Variants in ZFAT observed in about 807,000 individuals in gnomAD.
ZFAT encodes zinc finger and AT-hook domain containing, also known as zinc finger protein ZFAT.
ZFAT carries 64 observed loss-of-function variants against 117.7 expected under a neutral mutation model. That is an observed-to-expected ratio of 0.54 (90% CI 0.44 to 0.67). The LOEUF (loss-of-function observed/expected upper bound fraction) is 0.67, where lower values mean the gene tolerates loss of function less well. Ranked by LOEUF, ZFAT falls within the 30% of genes least tolerant of loss-of-function variation. The pLI, the probability that ZFAT is intolerant of heterozygous loss-of-function variation, is 0.00. For synonymous variants in ZFAT, 679 were observed against 615.0 expected (o/e 1.10, Z -1.54); for missense variants, 1,433 against 1,584.5 (o/e 0.90, Z 1.62).
chr8:134,799,095 G>A, the ZFAT span, among the ~76,000 whole-genome samples: 4 of 151,954 alleles, frequency 2.6e-5, no homozygotes, highest in African/African-American at 4.8e-5. Context: ...CAGCTCTCTC[G>A]TAATGACAAA....
At chr8:134,659,902 C>T (rs973097497) in intron 1 of ZFAT, among the ~76,000 whole-genome samples, 4 of 152,190 alleles carry the variant, frequency 2.6e-5, no homozygotes, top group Admixed American at 6.5e-5. Context: ...AGGGAGGTAA[C>T]GACCTGAGAG....
At chr8:134,774,569 T>C in the ZFAT span, among the ~76,000 whole-genome samples, 3 of 152,208 alleles carry the variant, frequency 2.0e-5, no homozygotes, top group African/African-American at 7.2e-5. Context: ...CTTTTTAAAT[T>C]AAGATATGTA....
At chr8:134,772,322 G>T in the ZFAT span, among the ~76,000 whole-genome samples, 5 of 152,280 alleles carry the variant, frequency 3.3e-5, no homozygotes, top group Admixed American at 6.5e-5. Context: ...CAAAGGAAAA[G>T]TTCACGAAGG....
intron 15 of ZFAT, among the ~76,000 whole-genome samples, chr8:134,504,736 C>T (rs1053558561): frequency 2.0e-5 from 3 of 152,162 alleles, no homozygotes; most frequent in Non-Finnish European, 4.4e-5. Context: ...GGCAGAAGGG[C>T]GGAAGGGAGA....
chr8:134,595,901 G>C (rs1586777639), intron 7 of ZFAT, among the ~76,000 whole-genome samples: 2 of 152,352 alleles, frequency 1.3e-5, no homozygotes, highest in African/African-American at 4.8e-5. Flanking sequence ...GGGCCCATTT[G>C]AAGGGCAGGT....
At chr8:134,605,790 G>T (rs1246685121) in intron 5 of ZFAT, among the ~76,000 whole-genome samples, 1 of 152,200 alleles carries the variant, frequency 6.6e-6, no homozygotes, top group Admixed American at 6.5e-5. Flanking sequence ...TTAAAAAAGT[G>T]TTCCAGGTAC....
At chr8:134,635,179 T>C (rs1334568121) in intron 3 of ZFAT, among the ~76,000 whole-genome samples, 1 of 151,948 alleles carries the variant, frequency 6.6e-6, no homozygotes, top group Non-Finnish European at 1.5e-5. Context: ...TTTTAGAGAG[T>C]TGACCCTAAG....
chr8:134,812,790 AT>A, the ZFAT span, among the ~76,000 whole-genome samples: 1 of 152,208 alleles, frequency 6.6e-6, no homozygotes, highest in African/African-American at 2.4e-5. Flanking sequence ...CAGTAAATAC[AT>A]GGTGCTTACT....
chr8:134,505,626 G>C (rs565076272), intron 15 of ZFAT, among the ~76,000 whole-genome samples: 1 of 152,178 alleles, frequency 6.6e-6, no homozygotes, highest in Non-Finnish European at 1.5e-5. Context: ...ACAGAGGTCA[G>C]AGTGAGTGGA....
At chr8:134,521,447 T>A (rs1310760300) in intron 12 of ZFAT, among the ~76,000 whole-genome samples, 1 of 152,206 alleles carries the variant, frequency 6.6e-6, no homozygotes, top group Non-Finnish European at 1.5e-5. Context: ...AGCCTGATTC[T>A]CAGTCTCCTT....
intron 15 of ZFAT, among the ~76,000 whole-genome samples, chr8:134,491,877 G>A (rs747226759): frequency 1.3e-5 from 2 of 152,022 alleles, no homozygotes; most frequent in Non-Finnish European, 2.9e-5. Flanking sequence ...GACATCTCTG[G>A]GGCACCACTG....
intron 5 of ZFAT, among the ~76,000 whole-genome samples, chr8:134,605,348 C>T (rs1827803739): frequency 6.6e-6 from 1 of 152,118 alleles, no homozygotes; most frequent in African/African-American, 2.4e-5. Context: ...AGATCGAGAC[C>T]ATCCTGGCTA....
At chr8:134,599,031 A>G (rs1448852849) in intron 7 of ZFAT, 6 of 152,346 alleles carry the variant, frequency 3.9e-5, no homozygotes, top group African/African-American at 1.4e-4. Context: ...CCGACTTCAT[A>G]TGAGTTTCCA....
intron 10 of ZFAT, among the ~76,000 whole-genome samples, chr8:134,575,869 G>A (rs1045641368): frequency 2.6e-5 from 4 of 152,178 alleles, no homozygotes; most frequent in African/African-American, 4.8e-5. Flanking sequence ...TTTATGCAGT[G>A]GCAAATCGAA....
At chr8:134,734,395 G>A in the ZFAT span, among the ~76,000 whole-genome samples, 1 of 152,246 alleles carries the variant, frequency 6.6e-6, no homozygotes, top group Non-Finnish European at 1.5e-5. Flanking sequence ...GCTCCCCAGA[G>A]TGTCTGCATC....
chr8:134,768,352 C>A, the ZFAT span, among the ~76,000 whole-genome samples: 5,555 of 152,236 alleles, frequency 0.036, 220 homozygotes, highest in African/African-American at 0.096. Flanking sequence ...TAATAAATGT[C>A]GTGTGTGTTC....
At chr8:134,677,913 A>G (rs1391676179) in intron 1 of ZFAT, among the ~76,000 whole-genome samples, 1 of 152,110 alleles carries the variant, frequency 6.6e-6, no homozygotes, top group Non-Finnish European at 1.5e-5. Flanking sequence ...CATGCTAAAA[A>G]CTCTCAATAA....
At chr8:134,649,035 G>A (rs716100) in intron 2 of ZFAT, among the ~76,000 whole-genome samples, 63,059 of 151,570 alleles carry the variant, frequency 0.42, 14,281 homozygotes, top group African/African-American at 0.59. Context: ...AAAACCACAT[G>A]GTCATCTCAA....
At chr8:134,670,523 A>C (rs554036207) in intron 1 of ZFAT, among the ~76,000 whole-genome samples, 2 of 152,382 alleles carry the variant, frequency 1.3e-5, no homozygotes, top group East Asian at 1.9e-4. Flanking sequence ...AACTAAATGA[A>C]AGCAGAAATA....
Sources: allele counts gnomAD v4.1 joint callset (sites outside exome capture counted in the v4.1 genomes callset), GRCh38; gene constraint gnomAD v4.1.1; transcripts MANE v1.5; gene names NCBI Gene and HGNC (gene_info 2026-07-23, HGNC 2026-07-21).